The following CEP162 variants were observed in gnomAD, a reference collection of about 807,000 sequenced individuals.
The protein encoded by CEP162 is centrosomal protein of 162 kDa.
A neutral mutation model predicts 169.2 loss-of-function variants in CEP162; 141 were observed. The ratio of observed to expected loss-of-function variants is 0.83; its 90% CI spans 0.73 to 0.96. The LOEUF (loss-of-function observed/expected upper bound fraction) is 0.96, where lower values mean the gene tolerates loss of function less well. CEP162 is among the 40% of genes least tolerant of loss of function. CEP162 has a pLI of 0.00. For missense variants in CEP162, 1,600 were observed against 1,587.2 expected (o/e 1.01, Z -0.14); for synonymous variants, 540 against 526.4 (o/e 1.03, Z -0.35).
At chr6:84,166,377 CTCTT>C (rs1298274852) in intron 18 of CEP162, among the ~76,000 whole-genome samples, 9 of 152,208 alleles carry the variant, frequency 5.9e-5, no homozygotes, top group Non-Finnish European at 1.2e-4. Context: ...ACTCAAACAT[CTCTT>C]TCTCAGAGAG....
Position 84,161,922 on chromosome 6 carries a change from G to T in CEP162, c.2513-13C>A. On this transcript the variant is annotated splice_polypyrimidine_tract_variant and intron_variant, in intron 19 of 26. Transcript: ENST00000403245. ...TATAATTTCTCACCTATAAGATACA[G>T]TAACTCAATAACCTGCTTGTTGTTC... 1 of 1,443,102 alleles carries T rather than the reference G, an allele frequency of 6.9e-7. No individual in the cohort carries two copies. The allele number at this position is 1,443,102 out of a possible 1,614,324, so 89.4% of individuals were successfully genotyped here. A position where few individuals can be genotyped will look rare whatever the true frequency, so the allele number is the denominator to read the frequency against.
intron 25 of CEP162, among the ~76,000 whole-genome samples, chr6:84,135,202 C>A (rs151319211): frequency 6.6e-6 from 1 of 152,126 alleles, no homozygotes; most frequent in Non-Finnish European, 1.5e-5. Context: ...AAAACACATG[C>A]ATAGTGAATC....
intron 5 of CEP162, 77 bp from the exon 6 acceptor site, chr6:84,213,101 T>TA (rs1186298073): frequency 4.6e-5 from 39 of 855,778 alleles, no homozygotes; most frequent in East Asian, 2.2e-4. Context: ...TATACCGTTT[T>TA]AAAAAATCCC....
chr6:84,179,535 A>AT (rs35881780), intron 13 of CEP162, among the ~76,000 whole-genome samples: 10 of 152,000 alleles, frequency 6.6e-5, no homozygotes, highest in Admixed American at 6.6e-4. Flanking sequence ...TTTCTTGTAA[A>AT]TTTGAGTTCT....
intron 7 of CEP162, among the ~76,000 whole-genome samples, chr6:84,202,930 TAAG>T (rs971170473): frequency 3.3e-5 from 5 of 152,024 alleles, no homozygotes; most frequent in East Asian, 1.9e-4. Context: ...AACTTGAAAA[TAAG>T]AAGATTTATA....
In CEP162 at chr6:84,124,253, C is replaced by T. The variant is rs1033353715; in HGVS notation, c.*817G>A. The T allele has an allele frequency of 6.6e-6, 1 of 151,998 alleles. No homozygotes were observed. Among genetic ancestry groups the T allele is most frequent in the Non-Finnish European group, 1.5e-5 (1 of 67,960 alleles). The allele number at this position is 151,998 out of a possible 1,614,324, so 9.4% of individuals were successfully genotyped here. A position where few individuals can be genotyped will look rare whatever the true frequency, so the allele number is the denominator to read the frequency against. ...AGAAATCATTATATAAAAAAGATAT[C>T]TGTACATGTATGTTTATTGCAGCAA... On this transcript the variant is annotated 3_prime_UTR_variant, in exon 27 of 27. Coordinates refer to ENST00000403245, the MANE Select transcript of CEP162 (RefSeq NM_014895.4).
At chr6:84,154,766 AG>A (rs1433545210) in intron 22 of CEP162, among the ~76,000 whole-genome samples, 3 of 152,160 alleles carry the variant, frequency 2.0e-5, no homozygotes, top group Non-Finnish European at 4.4e-5. Context: ...TTTTTTTTAA[AG>A]TAAATTAAAT....
rs758238268 is a variant in CEP162 at position 84,215,461 on chromosome 6, T to C, written c.324A>G (p.Leu108=). ...TACTATGGTTGAGCTCAGAAACTAC[T>C]AGTTCTAAATGGAAAGCACAAATAT... ...LSTDSLETNE[L]VVSELNHSSL... The change falls in exon 5 of 27, where the codon CTA becomes CTG. Residue 108 remains leucine (L), a synonymous_variant. Transcript: ENST00000403245. The C allele has an allele frequency of 6.4e-7, 1 of 1,566,448 alleles. No individual in the cohort carries two copies. The highest frequency in any genetic ancestry group is 8.6e-7 in the Non-Finnish European group (1 of 1,160,494).
At chr6:84,219,133 C>A (rs1157825470) in intron 3 of CEP162, 7 of 1,257,932 alleles carry the variant, frequency 5.6e-6, no homozygotes, top group Non-Finnish European at 6.3e-6. Flanking sequence ...CATTCCTCTT[C>A]TCAAGAGGAG....
chr6:84,161,613 GC>G, intron 20 of CEP162, 132 bp downstream of exon 20: 2 of 713,954 alleles, frequency 2.8e-6, no homozygotes. Flanking sequence ...ATATCTAAAA[GC>G]AAACCACCGA....
intron 25 of CEP162, among the ~76,000 whole-genome samples, chr6:84,139,772 T>G (rs1177601009): frequency 2.0e-5 from 3 of 152,206 alleles, no homozygotes; most frequent in Non-Finnish European, 2.9e-5. Context: ...TTGTGACTCT[T>G]GTGGGTTTGG....
rs60425172 is a variant in CEP162 at position 84,155,364 on chromosome 6, C to A, written c.2928G>T (p.Leu976=). The part of the protein sequence containing the change: ...EKRIKKLEAD[L]EGKDEDAKKS... ...TCTTTGCATCTTCATCTTTGCCCTC[C>A]AGATCAGCTTCTAGCTTTTTTATCC... Residue 976 remains leucine, a synonymous_variant, in exon 22 of 27, where the codon CTG becomes CTT. Coordinates refer to ENST00000403245, the MANE Select transcript of CEP162 (RefSeq NM_014895.4). 1,839 of 1,613,680 alleles carry A rather than the reference C, an allele frequency of 1.1e-3. 20 individuals are homozygous for A. The African/African-American group carries it at 0.022, about 20-fold the overall frequency.
chr6:84,159,375 G>C (rs1260960515), intron 21 of CEP162, among the ~76,000 whole-genome samples: 2 of 149,990 alleles, frequency 1.3e-5, no homozygotes, highest in Non-Finnish European at 3.0e-5. Flanking sequence ...ATCTAATAAA[G>C]AAGTAGCTCC....
chr6:84,205,032 T>C (rs1370619761), intron 6 of CEP162, among the ~76,000 whole-genome samples: 3 of 152,118 alleles, frequency 2.0e-5, no homozygotes, highest in Non-Finnish European at 2.9e-5. Flanking sequence ...AGGAAGAAGC[T>C]GAATCCCTGA....
At position 84,126,386 on chromosome 6, in the gene CEP162, G is replaced by C; in HGVS notation, c.3997C>G (p.Leu1333Val). 6.3e-7 allele frequency: 1 copy of C among 1,589,630 alleles called. No individual in the cohort carries two copies. The highest frequency in any genetic ancestry group is 8.5e-7 in the Non-Finnish European group (1 of 1,170,356). Residue 1333 changes from leucine (L) to valine (V), a missense_variant, in exon 26 of 27, where the codon CTT becomes GTT. Transcript: ENST00000403245. ...EMRHAQREQE[L>V]QQIIQQTHQV... ...AATGTGATTTACTTTACCTGTTGAA[G>C]TTCCTGTTCTCTTTGTGCATGTCTC...
At chr6:84,194,333 C>T (rs1004257474) in intron 10 of CEP162, among the ~76,000 whole-genome samples, 11 of 137,124 alleles carry the variant, frequency 8.0e-5, no homozygotes, top group South Asian at 4.6e-4. Context: ...CCAGCCTGGG[C>T]GACAGAGCAA....
chr6:84,188,120 AG>A lies in CEP162; in HGVS notation c.1110-1498del, dbSNP rs1159647667. Among the ~76,000 whole-genome samples the A allele has an allele frequency of 4.6e-3, 699 of 151,368 alleles. 9 individuals are homozygous for A. Among genetic ancestry groups the A allele is most frequent in the African/African-American group, 0.016 (658 of 41,260 alleles). On this transcript the variant is annotated intron_variant, in intron 11 of 26. Coordinates refer to ENST00000403245, the MANE Select transcript of CEP162 (RefSeq NM_014895.4). ...CTCCGTCTCAAAAAAAAAAAAAAAA[AG>A]AGTGTCATCTTCACATTTAAGTATT...
intron 11 of CEP162, among the ~76,000 whole-genome samples, chr6:84,192,916 A>G (rs1015969549): frequency 3.3e-5 from 5 of 152,264 alleles, no homozygotes; most frequent in African/African-American, 1.2e-4. Flanking sequence ...TACGTATAGT[A>G]TGTGCCCAAA....
intron 6 of CEP162, among the ~76,000 whole-genome samples, chr6:84,208,252 G>T (rs141484778): frequency 5.5e-4 from 84 of 152,222 alleles, no homozygotes; most frequent in Non-Finnish European, 8.8e-4. Flanking sequence ...TTATGGGGAA[G>T]GTTGGACAGG....
Sources: allele counts gnomAD v4.1 joint callset (sites outside exome capture counted in the v4.1 genomes callset), GRCh38; gene constraint gnomAD v4.1.1; transcripts MANE v1.5; gene names NCBI Gene and HGNC (gene_info 2026-07-23, HGNC 2026-07-21).